The following TMEM19 variants were observed in gnomAD, a reference collection of about 807,000 sequenced individuals.
TMEM19 encodes the protein transmembrane protein 19.
In TMEM19, 21 loss-of-function variants were observed where a neutral mutation model predicts 33.6. The observed-to-expected ratio is 0.62, with a 90% CI of 0.44 to 0.90. The LOEUF is 0.90. Ranked by LOEUF, TMEM19 falls within the 40% of genes least tolerant of loss-of-function variation. TMEM19 has a pLI of 0.00. For missense variants in TMEM19, 402 were observed against 401.8 expected (o/e 1.00, Z 0.00); for synonymous variants, 149 against 147.5 (o/e 1.01, Z -0.07).
Position 71,688,306 on chromosome 12 carries a change from T to C in TMEM19, c.131-1285T>C, listed in dbSNP as rs1196794342. On this transcript the variant is annotated intron_variant, in intron 1 of 5. Coordinates refer to ENST00000266673, the MANE Select transcript of TMEM19 (RefSeq NM_018279.4). ...CAGGCTGGAGTACAGTGGCACGATC[T>C]CAGCTCACTGCAACCTCTGCCTTCT... 2.0e-5 allele frequency among the ~76,000 whole-genome samples: 3 copies of C among 152,206 alleles called. 1 individual carries two copies. Among genetic ancestry groups the C allele is most frequent in the African/African-American group, 7.2e-5 (3 of 41,446 alleles).
At position 71,703,588 on chromosome 12, in the gene TMEM19, A is replaced by G. The variant is rs1309080354; in HGVS notation, c.*2593A>G. The G allele has an allele frequency of 6.4e-6, 1 of 155,116 alleles. No individual in the cohort carries two copies. Among genetic ancestry groups the G allele is most frequent in the Non-Finnish European group, 1.4e-5 (1 of 69,952 alleles). 9.6% of individuals were successfully genotyped at this position (155,116 alleles called of 1,614,324 possible). On this transcript the variant is annotated 3_prime_UTR_variant, in exon 6 of 6. Coordinates refer to ENST00000266673, the MANE Select transcript of TMEM19 (RefSeq NM_018279.4). ...ACTGCTTTGCAGTCCTTTATTTGAAAACTTAGGTCTAGCTGTGTTTTGCAT... is the reference window on the plus strand; with the variant it reads ...ACTGCTTTGCAGTCCTTTATTTGAAGACTTAGGTCTAGCTGTGTTTTGCAT...
intron 4 of TMEM19, among the ~76,000 whole-genome samples, chr12:71,698,610 AGAGAGAGAGAG>A (rs1406745487): frequency 0.065 from 3,070 of 47,594 alleles, 90 homozygotes; most frequent in Middle Eastern, 0.18. Context: ...CTCTGAAAAG[AGAGAGAGAGAG>A]AGAGAGAGAG....
In TMEM19 at chr12:71,700,846, A is replaced by G. The variant is rs770496129; in HGVS notation, c.862A>G (p.Thr288Ala). 32 of 1,601,454 alleles carry G rather than the reference A, an allele frequency of 2.0e-5. No homozygotes were observed. In the African/African-American group the frequency reaches 4.0e-4, roughly 20 times the overall value. Residue 288 changes from threonine (T) to alanine (A), a missense_variant, in exon 6 of 6, where the codon ACT becomes GCT. Thr to Ala is a moderately conservative substitution (Grantham distance 58). Transcript: ENST00000266673. The stretch of plus-strand genomic sequence containing the variant: ...TTCCATTCCAGGGTTGGATGAAAGC[A>G]CTGGCATGGTGGTCAACAGCCCAAC... Reference protein sequence around the residue: ...TMQYTGLDESTGMVVNSPTNK... With the variant: ...TMQYTGLDESAGMVVNSPTNK...
intron 2 of TMEM19, among the ~76,000 whole-genome samples, chr12:71,695,896 C>T (rs1212746683): frequency 4.6e-5 from 7 of 152,322 alleles, no homozygotes; most frequent in Non-Finnish European, 4.4e-5. Context: ...TACCCTGTTT[C>T]TGTACTCTCG....
intron 4 of TMEM19, among the ~76,000 whole-genome samples, chr12:71,698,353 C>T (rs907329103): frequency 2.6e-5 from 4 of 152,156 alleles, no homozygotes; most frequent in Non-Finnish European, 5.9e-5. Flanking sequence ...TCCTAATAAT[C>T]ATATAAATTG....
intron 3 of TMEM19, 144 bp downstream of exon 3, chr12:71,696,717 G>T: frequency 1.5e-6 from 1 of 664,842 alleles, no homozygotes; most frequent in Non-Finnish European, 2.3e-6. Flanking sequence ...CGCAATCTCG[G>T]CTCGCTGTAA....
At chr12:71,698,654 AGAGAG>A (rs1881922305) in intron 4 of TMEM19, among the ~76,000 whole-genome samples, 1 of 142,440 alleles carries the variant, frequency 7.0e-6, no homozygotes, top group Admixed American at 7.0e-5. Flanking sequence ...AGAGAGAGAG[AGAGAG>A]AAGCAGAACC....
At chr12:71,688,269 G>A (rs1477149109) in intron 1 of TMEM19, among the ~76,000 whole-genome samples, 4 of 151,874 alleles carry the variant, frequency 2.6e-5, no homozygotes, top group South Asian at 2.1e-4. Flanking sequence ...ACGGAGTTTC[G>A]CTCTTTTTGC....
At position 71,703,881 on chromosome 12, in the gene TMEM19, CTTTTT is replaced by C; in HGVS notation, c.*2897_*2901del. The stretch of plus-strand genomic sequence containing the variant: ...GAGGATAAGAAATTGTGTCTCTGTC[CTTTTT>C]TTTTTTTTTTGTTAAGTCTTACATG... On this transcript the variant is annotated 3_prime_UTR_variant, in exon 6 of 6. Transcript: ENST00000266673. The C allele has an allele frequency of 9.8e-6, 2 of 204,932 alleles. No homozygotes were observed. Among genetic ancestry groups the C allele is most frequent in the Non-Finnish European group, 2.1e-5 (2 of 97,228 alleles). 12.7% of individuals were successfully genotyped at this position (204,932 alleles called of 1,614,324 possible). A position where few individuals can be genotyped will look rare whatever the true frequency, so the allele number is the denominator to read the frequency against.
Position 71,702,328 on chromosome 12 carries a change from T to C in TMEM19, c.*1333T>C, listed in dbSNP as rs924923054. 21 of 151,852 alleles carry C rather than the reference T, an allele frequency of 1.4e-4. No individual in the cohort carries two copies. The highest frequency in any genetic ancestry group is 4.1e-4 in the African/African-American group (17 of 41,374). The allele number at this position is 151,852 out of a possible 1,614,324, so 9.4% of individuals were successfully genotyped here. Reference sequence around the variant, plus strand: ...GGCATGTTTGCTTTTTTTGTTTATGTGTTTGTTTTTTGAGACAGAGTCTCA... The same window carrying C: ...GGCATGTTTGCTTTTTTTGTTTATGCGTTTGTTTTTTGAGACAGAGTCTCA... On this transcript the variant is annotated 3_prime_UTR_variant, in exon 6 of 6. Transcript: ENST00000266673.
Position 71,700,826 on chromosome 12 carries a change from T to C in TMEM19, c.848-6T>C. ...TCTATCTCACTTGCTTCTTTTTCCA[T>C]TCCAGGGTTGGATGAAAGCACTGGC... On this transcript the variant is annotated splice_polypyrimidine_tract_variant and splice_region_variant and intron_variant, in intron 5 of 5. Coordinates refer to ENST00000266673, the MANE Select transcript of TMEM19 (RefSeq NM_018279.4). The C allele has an allele frequency of 6.4e-7, 1 of 1,573,004 alleles. No homozygotes were observed. Among genetic ancestry groups the C allele is most frequent in the Non-Finnish European group, 8.6e-7 (1 of 1,161,250 alleles).
intron 1 of TMEM19, among the ~76,000 whole-genome samples, chr12:71,689,343 G>C (rs1170394275): frequency 6.6e-6 from 1 of 152,144 alleles, no homozygotes; most frequent in Non-Finnish European, 1.5e-5. Flanking sequence ...TGTGTAGTAG[G>C]CTCTACCATC....
rs1882035156 is a variant in TMEM19 at position 71,704,278 on chromosome 12, C to T, written c.*3283C>T. On this transcript the variant is annotated 3_prime_UTR_variant, in exon 6 of 6. Transcript: ENST00000266673. ...TCACATATATCTTTCCTGTTTCTAG[C>T]TGCTGTACACATAGGATGCTGCCTG... 5.6e-6 allele frequency: 1 copy of T among 178,008 alleles called. No individual in the cohort carries two copies. The highest frequency in any genetic ancestry group is 2.4e-5 in the African/African-American group (1 of 42,312). The allele number at this position is 178,008 out of a possible 1,614,324, so 11.0% of individuals were successfully genotyped here.
At chr12:71,687,980 A>G (rs1324716505) in intron 1 of TMEM19, among the ~76,000 whole-genome samples, 3 of 152,222 alleles carry the variant, frequency 2.0e-5, no homozygotes, top group Non-Finnish European at 4.4e-5. Flanking sequence ...GTTCGTTCAT[A>G]ATGATTCACA....
At chr12:71,696,340 G>T (rs777160716) in intron 2 of TMEM19, 96 bp from the exon 3 acceptor site, 36 of 1,149,932 alleles carry the variant, frequency 3.1e-5, no homozygotes, top group Non-Finnish European at 4.3e-5. Flanking sequence ...TACATTTCAG[G>T]TTATAATATA....
At position 71,704,028 on chromosome 12, in the gene TMEM19, A is replaced by C. The variant is rs760783617; in HGVS notation, c.*3033A>C. ...TTTCATGGAAAGAGCTCTATGTAAC[A>C]GCATAATAAAACTGCCTACCTAGCA... On this transcript the variant is annotated 3_prime_UTR_variant, in exon 6 of 6. Transcript: ENST00000266673. The C allele has an allele frequency of 1.3e-5, 6 of 453,440 alleles. No homozygotes were observed. Among genetic ancestry groups the C allele is most frequent in the Non-Finnish European group, 2.7e-5 (6 of 225,220 alleles). 28.1% of individuals were successfully genotyped at this position (453,440 alleles called of 1,614,324 possible).
At chr12:71,687,673 G>A (rs191699461) in intron 1 of TMEM19, among the ~76,000 whole-genome samples, 36 of 152,242 alleles carry the variant, frequency 2.4e-4, no homozygotes, top group Non-Finnish European at 4.6e-4. Context: ...CTGCCATTTG[G>A]TTGCTTCAAA....
At position 71,700,820 on chromosome 12, in the gene TMEM19, T is replaced by C; in HGVS notation, c.848-12T>C. On this transcript the variant is annotated splice_polypyrimidine_tract_variant and intron_variant, in intron 5 of 5. Coordinates refer to ENST00000266673, the MANE Select transcript of TMEM19 (RefSeq NM_018279.4). ...GGGTTTTCTATCTCACTTGCTTCTT[T>C]TTCCATTCCAGGGTTGGATGAAAGC... 6.5e-7 allele frequency: 1 copy of C among 1,544,234 alleles called. No homozygotes were observed. The highest frequency in any genetic ancestry group is 8.7e-7 in the Non-Finnish European group (1 of 1,148,458).
In TMEM19 at chr12:71,691,858, C is replaced by T. The variant is rs113006954; in HGVS notation, c.244+2154C>T. 2.7e-3 allele frequency among the ~76,000 whole-genome samples: 408 copies of T among 152,130 alleles called. 1 individual carries two copies. Among genetic ancestry groups the T allele is most frequent in the Non-Finnish European group, 4.8e-3 (324 of 68,000 alleles). ...CTTGGGCTTCTGTGCTGTATATTGT[C>T]CTGCTTCTCTGACTTTTACGATCTC... On this transcript the variant is annotated intron_variant, in intron 2 of 5. Transcript: ENST00000266673.
Sources: gnomAD v4.1 joint callset for allele counts (sites outside exome capture counted in the v4.1 genomes callset) on GRCh38, gnomAD v4.1.1 for gene constraint, MANE v1.5 for transcripts, NCBI Gene and HGNC (gene_info 2026-07-23, HGNC 2026-07-21) for gene names.